The following PPCDC variants were observed in gnomAD, a reference collection of about 807,000 sequenced individuals.
PPCDC encodes the protein phosphopantothenoylcysteine decarboxylase.
A neutral mutation model predicts 20.7 loss-of-function variants in PPCDC; 20 were observed. The ratio of observed to expected loss-of-function variants is 0.97; its 90% CI spans 0.68 to 1.41. The LOEUF (loss-of-function observed/expected upper bound fraction) is 1.41. Ranked by LOEUF, PPCDC falls within the 40% of genes most tolerant of loss-of-function variation. The pLI is 0.00. For synonymous variants in PPCDC, 88 were observed against 100.3 expected (o/e 0.88, Z 0.73); for missense variants, 246 against 263.8 (o/e 0.93, Z 0.47).
chr15:75,043,891 G>C (rs1162993140), intron 3 of PPCDC, among the ~76,000 whole-genome samples: 2 of 152,176 alleles, frequency 1.3e-5, no homozygotes, highest in African/African-American at 4.8e-5. Flanking sequence ...CACGGCCGCC[G>C]GGCTCTGCTG....
chr15:75,031,680 G>T (rs2066023687), intron 2 of PPCDC, among the ~76,000 whole-genome samples: 1 of 152,042 alleles, frequency 6.6e-6, no homozygotes, highest in Non-Finnish European at 1.5e-5. Flanking sequence ...CTCCAGTCTG[G>T]GTAACAGAGC....
chr15:75,028,899 C>T (rs993183345), intron 2 of PPCDC, among the ~76,000 whole-genome samples: 2 of 152,148 alleles, frequency 1.3e-5, no homozygotes, highest in Admixed American at 6.5e-5. Flanking sequence ...TCTTGTCAGT[C>T]AAATGCTCTG....
intron 4 of PPCDC, 96 bp downstream of exon 4, chr15:75,044,610 G>T: frequency 6.7e-7 from 1 of 1,496,078 alleles, no homozygotes; most frequent in Non-Finnish European, 9.0e-7. Flanking sequence ...GCTGCTGTGG[G>T]GCCCCGGTCT....
intron 4 of PPCDC, among the ~76,000 whole-genome samples, chr15:75,046,210 T>A (rs2141501697): frequency 1.3e-5 from 2 of 152,336 alleles, no homozygotes; most frequent in South Asian, 4.1e-4. Context: ...GGTGAGACTC[T>A]GTCTCAAAAA....
At chr15:75,032,744 A>T (rs1457971372) in intron 2 of PPCDC, among the ~76,000 whole-genome samples, 1 of 114,338 alleles carries the variant, frequency 8.7e-6, no homozygotes, top group East Asian at 2.7e-4. Flanking sequence ...CCAAGGCCAA[A>T]TTCGGCTCTG....
intron 1 of PPCDC, among the ~76,000 whole-genome samples, chr15:75,027,924 T>C (rs1413676814): frequency 6.6e-6 from 1 of 152,248 alleles, no homozygotes; most frequent in Non-Finnish European, 1.5e-5. Context: ...GATTTCTTCC[T>C]GTCTCTGAAA....
chr15:75,035,493 C>G (rs532632720), intron 2 of PPCDC, among the ~76,000 whole-genome samples: 1 of 152,210 alleles, frequency 6.6e-6, no homozygotes, highest in Admixed American at 6.5e-5. Flanking sequence ...CTGACCAGAC[C>G]CAAATCAGGA....
chr15:75,031,604 G>T (rs374160338), intron 2 of PPCDC, among the ~76,000 whole-genome samples: 1 of 152,020 alleles, frequency 6.6e-6, no homozygotes, highest in Non-Finnish European at 1.5e-5. Flanking sequence ...CTCAGGAGGC[G>T]GAGGCAGGAG....
In PPCDC at chr15:75,040,286, C is replaced by CAGGCTGGTCTTGA. The variant is rs546192514; in HGVS notation, c.136-3153_136-3141dup. 1.3e-3 allele frequency among the ~76,000 whole-genome samples: 203 copies of CAGGCTGGTCTTGA among 152,232 alleles called. 1 individual carries two copies. Among genetic ancestry groups the CAGGCTGGTCTTGA allele is most frequent in the Middle Eastern group, 6.8e-3 (2 of 294 alleles). On this transcript the variant is annotated intron_variant, in intron 2 of 5. Transcript: ENST00000342932. Reference sequence around the variant, plus strand: ...AGAGATGTGGTTTCACCACGTTGCCCAGGCTGGTCTTGAACTCCTGGCCTC... The same window carrying CAGGCTGGTCTTGA: ...AGAGATGTGGTTTCACCACGTTGCCCAGGCTGGTCTTGAAGGCTGGTCTTGAACTCCTGGCCTC...
rs1311960464 is a variant in PPCDC at position 75,050,596 on chromosome 15, G to A, written c.*1361G>A. ...AGTAGAGGTGCCTTGAGGGGACCAG[G>A]AAGCCTACTGGCTGGAATCAGTGCT... is the stretch of plus-strand genomic sequence containing the variant. On this transcript the variant is annotated 3_prime_UTR_variant, in exon 6 of 6. Transcript: ENST00000342932. 1 of 152,282 alleles carries A rather than the reference G, an allele frequency of 6.6e-6. No individual in the cohort carries two copies. Among genetic ancestry groups the A allele is most frequent in the Non-Finnish European group, 1.5e-5 (1 of 68,070 alleles). The allele number at this position is 152,282 out of a possible 1,614,324, so 9.4% of individuals were successfully genotyped here. A position where few individuals can be genotyped will look rare whatever the true frequency, so the allele number is the denominator to read the frequency against.
intron 4 of PPCDC, among the ~76,000 whole-genome samples, chr15:75,048,195 C>T (rs1057351661): frequency 6.6e-6 from 1 of 152,200 alleles, no homozygotes; most frequent in African/African-American, 2.4e-5. Context: ...TGAGGAGCAG[C>T]CTGGTCCTTT....
chr15:75,049,319 A>G lies in PPCDC; in HGVS notation c.*84A>G. ...TGAAGATGGATGTTGGCAAAATAGGAGGATACCCTCATTTGCTGAATGGGG... is the reference window on the plus strand; with the variant it reads ...TGAAGATGGATGTTGGCAAAATAGGGGGATACCCTCATTTGCTGAATGGGG... On this transcript the variant is annotated 3_prime_UTR_variant, in exon 6 of 6. Coordinates refer to ENST00000342932, the MANE Select transcript of PPCDC (RefSeq NM_021823.5). 7.6e-7 allele frequency: 1 copy of G among 1,323,724 alleles called. No homozygotes were observed. The highest frequency in any genetic ancestry group is 1.1e-6 in the Non-Finnish European group (1 of 932,014). The allele number at this position is 1,323,724 out of a possible 1,614,324, so 82.0% of individuals were successfully genotyped here.
Position 75,044,383 on chromosome 15 carries a change from C to T in PPCDC, c.232-3C>T, listed in dbSNP as rs754046563. The T allele has an allele frequency of 1.1e-5, 18 of 1,613,524 alleles. No individual in the cohort carries two copies. The highest frequency in any genetic ancestry group is 1.5e-5 in the Non-Finnish European group (18 of 1,179,838). On this transcript the variant is annotated splice_polypyrimidine_tract_variant and splice_region_variant and intron_variant, in intron 3 of 5. Coordinates refer to ENST00000342932, the MANE Select transcript of PPCDC (RefSeq NM_021823.5). ...ACTGACCCCTTTTTCTTCCCTCTGC[C>T]AGATATGGAAGAGCCGCTCTGACCC...
In PPCDC at chr15:75,049,131, A is replaced by C; in HGVS notation, c.530-19A>C. 1.2e-6 allele frequency: 2 copies of C among 1,610,830 alleles called. No homozygotes were observed. Among genetic ancestry groups the C allele is most frequent in the Non-Finnish European group, 1.7e-6 (2 of 1,177,096 alleles). On this transcript the variant is annotated intron_variant, in intron 5 of 5. Transcript: ENST00000342932. The stretch of plus-strand genomic sequence containing the variant: ...AGGCACTGTTGGCCTGTCTGGCCAC[A>C]GCGGAATTTTGCTCCCAGGTCTCGG...
At chr15:75,043,344 G>A (rs36000415) in intron 2 of PPCDC, 97 bp from the exon 3 acceptor site, 16,367 of 1,006,328 alleles carry the variant, frequency 0.016, 209 homozygotes, top group Middle Eastern at 0.026. Flanking sequence ...TGTGAAGACA[G>A]CACCTGCCTG....
At chr15:75,044,237 C>A in intron 3 of PPCDC, 149 bp from the exon 4 acceptor site, 1 of 1,129,058 alleles carries the variant, frequency 8.9e-7, no homozygotes, top group Non-Finnish European at 1.3e-6. Context: ...ATGGCTAGCG[C>A]TCGCCAGCTT....
chr15:75,044,672 CCTT>C (rs2066206273), intron 4 of PPCDC, 158 bp downstream of exon 4: 2 of 1,011,488 alleles, frequency 2.0e-6, no homozygotes, highest in Admixed American at 2.8e-5. Context: ...AGTGCTCTCA[CCTT>C]CTCTGTAGCA....
At chr15:75,046,302 T>C (rs2066232945) in intron 4 of PPCDC, among the ~76,000 whole-genome samples, 1 of 152,238 alleles carries the variant, frequency 6.6e-6, no homozygotes, top group Non-Finnish European at 1.5e-5. Flanking sequence ...TTGGCTGCTC[T>C]CATCAAATTG....
At chr15:75,045,350 A>T (rs117808616) in intron 4 of PPCDC, among the ~76,000 whole-genome samples, 4 of 152,214 alleles carry the variant, frequency 2.6e-5, no homozygotes, top group Non-Finnish European at 5.9e-5. Context: ...GGAAGGGAGT[A>T]TCCTCTGGTG....
Sources: allele counts gnomAD v4.1 joint callset (sites outside exome capture counted in the v4.1 genomes callset), GRCh38; gene constraint gnomAD v4.1.1; transcripts MANE v1.5; gene names NCBI Gene and HGNC (gene_info 2026-07-23, HGNC 2026-07-21).